SHISA9: variants seen among roughly 807,000 people sequenced by gnomAD.
The protein encoded by SHISA9 is shisa family member 9, also known as protein shisa-9.
SHISA9 carries 13 observed loss-of-function variants against 38.0 expected under a neutral mutation model. The observed-to-expected ratio is 0.34, with a 90% CI of 0.22 to 0.54. The LOEUF (loss-of-function observed/expected upper bound fraction) is 0.54, where lower values mean the gene tolerates loss of function less well. Ranked by LOEUF, SHISA9 falls within the 20% of genes least tolerant of loss-of-function variation. The probability of loss-of-function intolerance (pLI) is 0.91; values close to 1 mark genes in which losing one functional copy is unlikely to be tolerated. For synonymous variants in SHISA9, 275 were observed against 242.0 expected, an observed-to-expected ratio of 1.14 and a Z score of -1.27; for missense variants, 538 against 575.8, an observed-to-expected ratio of 0.93 and a Z score of 0.67.
chr16:12,908,581 A>T (rs1333228861), intron 1 of SHISA9: 1 of 1,551,730 alleles, frequency 6.4e-7, no homozygotes. Context: ...GGACAGTCTG[A>T]GTGCACGGAT....
At chr16:13,022,931 G>T (rs1381968733) in intron 2 of SHISA9, among the ~76,000 whole-genome samples, 1 of 152,104 alleles carries the variant, frequency 6.6e-6, no homozygotes, top group Non-Finnish European at 1.5e-5. Flanking sequence ...CTGGATTTAG[G>T]GGCCACCCCA....
rs536721316 is a variant in SHISA9, at chr16:12,903,787, C to G, written c.563+1160C>G. 3.8e-3 allele frequency among the ~76,000 whole-genome samples: 575 copies of G among 152,286 alleles called. 7 individuals are homozygous for G. Among genetic ancestry groups the G allele is most frequent in the African/African-American group, 0.013 (550 of 41,566 alleles). On this transcript the variant is annotated intron_variant, in intron 1 of 4. Coordinates refer to ENST00000558583, the MANE Select transcript of SHISA9 (RefSeq NM_001145204.3). ...CTCCCCACCCCTTCTTCCGCGCCCC[C>G]TCTGCCGGGGGCCTGTGTGTGTGCG...
In SHISA9 at chr16:13,017,810, A is replaced by G. The variant is rs148538897; in HGVS notation, c.691+100995A>G. On this transcript the variant is annotated intron_variant, in intron 2 of 4. Transcript: ENST00000558583. ...ATACCAGTGCTGCAAGGACATGAAC[A>G]CTGCTAACTGGTGATCTACTCAAGT... 2.0e-4 allele frequency among the ~76,000 whole-genome samples: 31 copies of G among 152,330 alleles called. 1 individual carries two copies. In the East Asian group the frequency reaches 4.4e-3, roughly 22 times the overall value.
At chr16:13,229,478 A>G (rs901117272) in intron 4 of SHISA9, among the ~76,000 whole-genome samples, 70 of 152,188 alleles carry the variant, frequency 4.6e-4, no homozygotes, top group African/African-American at 1.7e-3. Flanking sequence ...TGGAACTGTG[A>G]AAACGACAGA....
At chr16:13,428,000 G>C in the SHISA9 span, among the ~76,000 whole-genome samples, 73 of 152,264 alleles carry the variant, frequency 4.8e-4, no homozygotes, top group Middle Eastern at 0.017. Context: ...TTGCTCCGAG[G>C]ACAAAACAGA....
chr16:13,489,906 A>G, the SHISA9 span, among the ~76,000 whole-genome samples: 2 of 152,242 alleles, frequency 1.3e-5, no homozygotes, highest in Non-Finnish European at 2.9e-5. Flanking sequence ...CAAGGAAGTC[A>G]GACTCCAGAG....
At chr16:13,527,636 A>C in the SHISA9 span, among the ~76,000 whole-genome samples, 2 of 152,196 alleles carry the variant, frequency 1.3e-5, no homozygotes, top group African/African-American at 2.4e-5. Context: ...CACTCAGAGA[A>C]GTTCATATAA....
chr16:13,520,108 G>C, the SHISA9 span, among the ~76,000 whole-genome samples: 6 of 152,166 alleles, frequency 3.9e-5, no homozygotes, highest in South Asian at 2.1e-4. Context: ...CTGGATGCTG[G>C]GATAATGCTG....
At chr16:13,362,304 G>C in the SHISA9 span, among the ~76,000 whole-genome samples, 1 of 151,854 alleles carries the variant, frequency 6.6e-6, no homozygotes, top group South Asian at 2.1e-4. Context: ...GCGTGGTGGT[G>C]TGCTTCTGTA....
chr16:13,507,789 C>G, the SHISA9 span, among the ~76,000 whole-genome samples: 1 of 152,180 alleles, frequency 6.6e-6, no homozygotes, highest in Admixed American at 6.5e-5. Flanking sequence ...AGCAGCCAAG[C>G]AAGATTGTGC....
At chr16:13,273,968 C>G in the SHISA9 span, among the ~76,000 whole-genome samples, 1 of 152,098 alleles carries the variant, frequency 6.6e-6, no homozygotes, top group Non-Finnish European at 1.5e-5. Context: ...GAAAGAGAAT[C>G]TGGGCTCTTC....
At chr16:12,982,456 A>G (rs1261210028) in intron 2 of SHISA9, among the ~76,000 whole-genome samples, 1 of 152,204 alleles carries the variant, frequency 6.6e-6, no homozygotes, top group Non-Finnish European at 1.5e-5. Flanking sequence ...CTTAGTGCAG[A>G]AAGTCATTCA....
intron 2 of SHISA9, among the ~76,000 whole-genome samples, chr16:13,105,246 G>A (rs1458897158): frequency 1.3e-5 from 2 of 152,138 alleles, no homozygotes; most frequent in Non-Finnish European, 2.9e-5. Context: ...AAATAATTGG[G>A]TTTCTTTTAT....
chr16:13,184,675 G>A lies in SHISA9; in HGVS notation c.692-18719G>A, dbSNP rs572399248. On this transcript the variant is annotated intron_variant, in intron 2 of 4. Coordinates refer to ENST00000558583, the MANE Select transcript of SHISA9 (RefSeq NM_001145204.3). Reference sequence around the variant, plus strand: ...CTCTGTCTTCTGTCCCTATAATTTTGTCTTTTCCACAATGTCTTATAAATT... The same window carrying A: ...CTCTGTCTTCTGTCCCTATAATTTTATCTTTTCCACAATGTCTTATAAATT... Among the ~76,000 whole-genome samples the A allele has an allele frequency of 3.9e-5, 6 of 152,228 alleles. No individual in the cohort carries two copies. In the South Asian group the frequency reaches 6.2e-4, roughly 16 times the overall value.
intron 2 of SHISA9, among the ~76,000 whole-genome samples, chr16:13,133,284 C>A (rs2050320982): frequency 6.6e-6 from 1 of 152,174 alleles, no homozygotes; most frequent in African/African-American, 2.4e-5. Flanking sequence ...TAGCCTCTCT[C>A]ATGATGAAAT....
chr16:13,261,454 C>T, the SHISA9 span, among the ~76,000 whole-genome samples: 1 of 152,094 alleles, frequency 6.6e-6, no homozygotes, highest in Non-Finnish European at 1.5e-5. Flanking sequence ...TTGAGCAAGG[C>T]CACAAAGCTG....
At chr16:13,383,261 T>C in the SHISA9 span, among the ~76,000 whole-genome samples, 1 of 152,108 alleles carries the variant, frequency 6.6e-6, no homozygotes, top group Non-Finnish European at 1.5e-5. Flanking sequence ...GACGTGGGAA[T>C]GGAGAAAGCT....
chr16:13,244,673 G>A (rs572464111), downstream of SHISA9, among the ~76,000 whole-genome samples: 2 of 152,286 alleles, frequency 1.3e-5, no homozygotes, highest in Non-Finnish European at 2.9e-5. Flanking sequence ...GGAGTCAAAA[G>A]CTGTATGAGG....
chr16:13,207,470 TA>T (rs5815743), intron 3 of SHISA9, among the ~76,000 whole-genome samples: 56,547 of 149,658 alleles, frequency 0.38, 10,744 homozygotes, highest in Middle Eastern at 0.48. Flanking sequence ...TTGACAAGAA[TA>T]AAAAAAAAAG....
Sources: allele counts gnomAD v4.1 joint callset (sites outside exome capture counted in the v4.1 genomes callset), GRCh38; gene constraint gnomAD v4.1.1; transcripts MANE v1.5; gene names NCBI Gene and HGNC (gene_info 2026-07-23, HGNC 2026-07-21).